HS3ST3A1: variants seen among roughly 807,000 people sequenced by gnomAD.
The protein encoded by HS3ST3A1 is heparan sulfate-glucosamine 3-sulfotransferase 3A1.
Under a neutral mutation model 25.7 loss-of-function variants are expected in HS3ST3A1, and 19 were observed. The ratio of observed to expected loss-of-function variants is 0.74; its 90% CI spans 0.52 to 1.08. The LOEUF is 1.08. Ranked by LOEUF, HS3ST3A1 falls within the 50% of genes least tolerant of loss-of-function variation. The pLI, the probability that HS3ST3A1 is intolerant of heterozygous loss-of-function variation, is 0.00. For synonymous variants in HS3ST3A1, 226 were observed against 278.6 expected, an observed-to-expected ratio of 0.81 and a Z score of 1.88; for missense variants, 459 against 594.3, an observed-to-expected ratio of 0.77 and a Z score of 2.37.
intron 1 of HS3ST3A1, among the ~76,000 whole-genome samples, chr17:13,579,966 A>G (rs1402598015): frequency 7.2e-6 from 1 of 138,778 alleles, no homozygotes; most frequent in Non-Finnish European, 1.6e-5. Flanking sequence ...AAAAAAAAAA[A>G]GAAAAAAGAA....
intron 1 of HS3ST3A1, among the ~76,000 whole-genome samples, chr17:13,504,444 C>G (rs1462765567): frequency 6.6e-6 from 1 of 152,092 alleles, no homozygotes; most frequent in Non-Finnish European, 1.5e-5. Context: ...CTCATCTATC[C>G]CATTCAATAT....
At chr17:13,582,459 G>A (rs139351752) in intron 1 of HS3ST3A1, among the ~76,000 whole-genome samples, 91 of 152,272 alleles carry the variant, frequency 6.0e-4, no homozygotes, top group African/African-American at 2.1e-3. Context: ...TATGATAATA[G>A]GAATACATAA....
intron 1 of HS3ST3A1, among the ~76,000 whole-genome samples, chr17:13,517,693 C>T (rs906845676): frequency 5.3e-4 from 81 of 152,116 alleles, no homozygotes; most frequent in African/African-American, 1.8e-3. Context: ...ACTCTGTCGC[C>T]GAGGCTGGAA....
At chr17:13,574,995 C>T (rs938914204) in intron 1 of HS3ST3A1, among the ~76,000 whole-genome samples, 1 of 151,566 alleles carries the variant, frequency 6.6e-6, no homozygotes, top group Non-Finnish European at 1.5e-5. Flanking sequence ...ATATGCTTCC[C>T]TCTTCCACTT....
Position 13,496,481 on chromosome 17 carries a change from C to A in HS3ST3A1, c.937G>T (p.Glu313Ter). The A allele has an allele frequency of 7.1e-7, 1 of 1,406,256 alleles. No homozygotes were observed. The highest frequency in any genetic ancestry group is 9.7e-7 in the Non-Finnish European group (1 of 1,027,558). 87.1% of individuals were successfully genotyped at this position (1,406,256 alleles called of 1,614,324 possible). A position where few individuals can be genotyped will look rare whatever the true frequency, so the allele number is the denominator to read the frequency against. Residue 313 changes from glutamate to a stop codon, truncating the protein, a stop_gained, in exon 2 of 2, where the codon GAG (glutamate) becomes TAG (stop). Transcript: ENST00000284110. LOFTEE classifies it high-confidence loss of function. ...CCGGCCGGGTCGCTGATGAGCCGCT[C>A]GCCGCTCACGAAGAGCATCTGGCGG... ...PIRQMLFVSG[E>*]RLISDPAGEL...
intron 1 of HS3ST3A1, among the ~76,000 whole-genome samples, chr17:13,553,020 C>T (rs1907283892): frequency 6.6e-6 from 1 of 152,164 alleles, no homozygotes; most frequent in Non-Finnish European, 1.5e-5. Flanking sequence ...TCTAAGGCTT[C>T]CTGGTCTTTC....
intron 1 of HS3ST3A1, among the ~76,000 whole-genome samples, chr17:13,498,450 G>A (rs1044941292): frequency 5.3e-5 from 8 of 152,124 alleles, no homozygotes; most frequent in African/African-American, 1.9e-4. Context: ...ATACAGATCG[G>A]AACTCCTTTT....
chr17:13,501,658 G>T (rs1005646394), intron 1 of HS3ST3A1, among the ~76,000 whole-genome samples: 3 of 151,988 alleles, frequency 2.0e-5, no homozygotes, highest in Non-Finnish European at 4.4e-5. Context: ...CACCTTACCA[G>T]GAAAATCAAG....
intron 1 of HS3ST3A1, among the ~76,000 whole-genome samples, chr17:13,517,388 TA>T (rs1906090922): frequency 6.6e-6 from 1 of 152,174 alleles, no homozygotes; most frequent in African/African-American, 2.4e-5. Context: ...AGAGGGCAGG[TA>T]GACATAATAA....
At chr17:13,507,900 G>A (rs1027413009) in intron 1 of HS3ST3A1, among the ~76,000 whole-genome samples, 2 of 152,180 alleles carry the variant, frequency 1.3e-5, no homozygotes, top group Non-Finnish European at 2.9e-5. Flanking sequence ...CTGTCAGCTC[G>A]CCATCCCTTG....
chr17:13,578,436 G>A (rs952577877), intron 1 of HS3ST3A1, among the ~76,000 whole-genome samples: 12 of 150,422 alleles, frequency 8.0e-5, no homozygotes, highest in Admixed American at 1.3e-4. Context: ...GGTGGTGGGC[G>A]CCTGTAGTCC....
At chr17:13,517,725 C>T (rs1251248646) in intron 1 of HS3ST3A1, among the ~76,000 whole-genome samples, 1 of 152,146 alleles carries the variant, frequency 6.6e-6, no homozygotes, top group Non-Finnish European at 1.5e-5. Context: ...AATCTTGGCT[C>T]ACTACAACCT....
intron 1 of HS3ST3A1, among the ~76,000 whole-genome samples, chr17:13,524,060 T>G (rs1906334311): frequency 6.6e-6 from 1 of 152,206 alleles, no homozygotes; most frequent in Admixed American, 6.5e-5. Flanking sequence ...TTTGATTTCC[T>G]CTTTACAGGT....
rs1906855225 is a variant in HS3ST3A1 at position 13,539,185 on chromosome 17, G to A, written c.600-42367C>T. 2.6e-5 allele frequency among the ~76,000 whole-genome samples: 4 copies of A among 152,176 alleles called. No individual in the cohort carries two copies. In the South Asian group the frequency reaches 8.3e-4, roughly 32 times the overall value. On this transcript the variant is annotated intron_variant, in intron 1 of 1. Coordinates refer to ENST00000284110, the MANE Select transcript of HS3ST3A1 (RefSeq NM_006042.3). ...GGCTCCAAGGTGAGCCACAGCAGAA[G>A]CTGTCAGGGCTCTAAGTGGCTAAGC...
chr17:13,549,364 A>G (rs8076060), intron 1 of HS3ST3A1, among the ~76,000 whole-genome samples: 63,833 of 152,066 alleles, frequency 0.42, 14,474 homozygotes, highest in African/African-American at 0.6. Context: ...GTGAGAGTCC[A>G]CAGCTTCATT....
intron 1 of HS3ST3A1, among the ~76,000 whole-genome samples, chr17:13,527,622 G>C (rs117751986): frequency 1.3e-5 from 2 of 152,124 alleles, no homozygotes; most frequent in Admixed American, 1.3e-4. Context: ...TTGGAAATGC[G>C]TCTAAGATAA....
intron 1 of HS3ST3A1, among the ~76,000 whole-genome samples, chr17:13,516,980 C>T (rs1165588210): frequency 2.6e-5 from 4 of 151,918 alleles, no homozygotes; most frequent in African/African-American, 9.7e-5. Flanking sequence ...GCCACTGTGC[C>T]CCGCCAAGGC....
chr17:13,582,266 C>T (rs1159429521), intron 1 of HS3ST3A1, among the ~76,000 whole-genome samples: 1 of 152,166 alleles, frequency 6.6e-6, no homozygotes, highest in Non-Finnish European at 1.5e-5. Context: ...ATGATTTTGC[C>T]TGAGCTTTTA....
intron 1 of HS3ST3A1, among the ~76,000 whole-genome samples, chr17:13,507,242 C>T (rs1905713896): frequency 3.3e-5 from 5 of 152,038 alleles, no homozygotes; most frequent in Admixed American, 3.3e-4. Context: ...GAGCATTTAC[C>T]ACAGAACAAG....
Sources: gnomAD v4.1 joint callset for allele counts (sites outside exome capture counted in the v4.1 genomes callset) on GRCh38, gnomAD v4.1.1 for gene constraint, MANE v1.5 for transcripts, NCBI Gene and HGNC (gene_info 2026-07-23, HGNC 2026-07-21) for gene names.